The following CD109 variants were observed in gnomAD, a reference collection of about 807,000 sequenced individuals.
The protein encoded by CD109 is CD109 antigen.
Under a neutral mutation model 165.8 loss-of-function variants are expected in CD109, and 149 were observed. That is an observed-to-expected ratio of 0.90 (90% CI 0.79 to 1.03). The LOEUF is 1.03. Ranked by LOEUF, CD109 falls within the 50% of genes least tolerant of loss-of-function variation. The pLI is 0.00. For synonymous variants in CD109, 585 were observed against 592.1 expected (o/e 0.99, Z 0.18); for missense variants, 1,712 against 1,677.8 (o/e 1.02, Z -0.36).
In CD109 at chr6:73,781,286, G is replaced by A. The variant is rs1438078596; in HGVS notation, c.1930G>A (p.Ala644Thr). 6.2e-7 allele frequency: 1 copy of A among 1,613,374 alleles called. No homozygotes were observed. Among genetic ancestry groups the A allele is most frequent in the Admixed American group, 1.7e-5 (1 of 60,000 alleles). ...ATGTGGACTCTGGGTATTGACAGAT[G>A]CAAACCTCACGAAGGATTATATTGA... is the stretch of plus-strand genomic sequence containing the variant. ...QECGLWVLTD[A>T]NLTKDYIDGV... Residue 644 changes from alanine to threonine, a missense_variant, in exon 17 of 33, where the codon GCA becomes ACA. Ala to Thr is a moderately conservative substitution (Grantham distance 58, BLOSUM62 0). Coordinates refer to ENST00000287097, the MANE Select transcript of CD109 (RefSeq NM_133493.5).
intron 28 of CD109, among the ~76,000 whole-genome samples, chr6:73,811,766 A>G (rs567706524): frequency 8.5e-5 from 13 of 152,168 alleles, no homozygotes; most frequent in Admixed American, 2.0e-4. Context: ...TGATAACTTC[A>G]ATTCTGGAAA....
At chr6:73,706,877 A>G (rs536444841) in intron 2 of CD109, among the ~76,000 whole-genome samples, 1 of 152,356 alleles carries the variant, frequency 6.6e-6, no homozygotes, top group African/African-American at 2.4e-5. Flanking sequence ...GGCAGAAATG[A>G]TTTAGTATTA....
chr6:73,693,525 A>G (rs3915865), upstream of CD109, among the ~76,000 whole-genome samples: 9,725 of 152,208 alleles, frequency 0.064, 519 homozygotes, highest in Admixed American at 0.17. Flanking sequence ...AGCAAACCCA[A>G]TATCTTATTG....
rs1450087224 is a variant in CD109 at position 73,697,557 on chromosome 6, G to A, written c.232G>A (p.Gly78Arg). ...NLTVSVLEAE[G>R]VFEKGSFKTL... ...CACTGTCTCTGTCCTGGAAGCAGAAGGAGTCTTTGAAAAAGGTAAGATAAA... is the reference window on the plus strand; with the variant it reads ...CACTGTCTCTGTCCTGGAAGCAGAAAGAGTCTTTGAAAAAGGTAAGATAAA... Residue 78 changes from glycine to arginine, a missense_variant, in exon 2 of 33, where the codon GGA becomes AGA. Transcript: ENST00000287097. The A allele has an allele frequency of 1.9e-6, 3 of 1,613,300 alleles. No homozygotes were observed. The highest frequency in any genetic ancestry group is 2.5e-6 in the Non-Finnish European group (3 of 1,179,646).
chr6:73,789,529 C>T (rs1241533746), intron 22 of CD109, among the ~76,000 whole-genome samples: 1 of 151,888 alleles, frequency 6.6e-6, no homozygotes, highest in African/African-American at 2.4e-5. Context: ...ACTTGGCTCA[C>T]TGCAAGCTCT....
In CD109 at chr6:73,785,366, C is replaced by G; in HGVS notation, c.2226C>G (p.Leu742=). The change falls in exon 20 of 33, where the codon CTC becomes CTG. Residue 742 remains leucine, a splice_region_variant and synonymous_variant. Transcript: ENST00000287097. ...TGTACTCGTTGTGTTCTTTCCAGCT[C>G]CAAGCCTTCCAACCATTTTTCATTT... ...GLGLTTTPVE[L]QAFQPFFIFL... 1 of 1,573,484 alleles carries G rather than the reference C, an allele frequency of 6.4e-7. No homozygotes were observed. The highest frequency in any genetic ancestry group is 8.7e-7 in the Non-Finnish European group (1 of 1,146,882).
chr6:73,767,010 G>A lies in CD109; in HGVS notation c.1497G>A (p.Met499Ile). The A allele has an allele frequency of 6.2e-7, 1 of 1,610,014 alleles. No homozygotes were observed. The highest frequency in any genetic ancestry group is 8.5e-7 in the Non-Finnish European group (1 of 1,177,116). ...AACGATTGAAGGAGTTAAGCTATAT[G>A]GTAATCTCTTATAGAATCTAAATTT... ...GNKRLKELSY[M>I]VVSRGQLVAV... The change falls in exon 13 of 33, where the codon ATG (methionine) becomes ATA (isoleucine). Residue 499 changes from methionine (M) to isoleucine (I), a missense_variant and splice_region_variant. Met to Ile is a conservative substitution (Grantham distance 10). Transcript: ENST00000287097.
intron 15 of CD109, 63 bp downstream of exon 15, chr6:73,771,644 G>T (rs904072005): frequency 1.7e-6 from 2 of 1,181,266 alleles, no homozygotes; most frequent in Middle Eastern, 2.0e-4. Context: ...AAACTTTATT[G>T]TACTACTTTA....
At chr6:73,771,703 A>T in intron 15 of CD109, 122 bp downstream of exon 15, 1 of 583,626 alleles carries the variant, frequency 1.7e-6, no homozygotes, top group South Asian at 3.6e-5. Context: ...TAAGTCAATA[A>T]TTAGTAAAGC....
At chr6:73,745,992 AG>A (rs1487413309) in intron 5 of CD109, among the ~76,000 whole-genome samples, 2 of 152,374 alleles carry the variant, frequency 1.3e-5, no homozygotes, top group East Asian at 3.9e-4. Flanking sequence ...TGCCTTCCAA[AG>A]GGCTGGGATT....
chr6:73,752,630 T>C (rs1773237397), intron 5 of CD109, among the ~76,000 whole-genome samples: 1 of 152,320 alleles, frequency 6.6e-6, no homozygotes, highest in Non-Finnish European at 1.5e-5. Flanking sequence ...TTCTACTGGA[T>C]GTGCTTTGGA....
chr6:73,719,441 C>T (rs1771864922), intron 2 of CD109, among the ~76,000 whole-genome samples: 1 of 152,184 alleles, frequency 6.6e-6, no homozygotes, highest in South Asian at 2.1e-4. Flanking sequence ...ATTCCTTCTA[C>T]ATTTATTAGT....
chr6:73,710,225 A>C (rs1015000171), intron 2 of CD109, among the ~76,000 whole-genome samples: 1 of 152,222 alleles, frequency 6.6e-6, no homozygotes, highest in Non-Finnish European at 1.5e-5. Context: ...CCTTAAGCTG[A>C]TAAGCAACTT....
chr6:73,690,227 T>C, the CD109 span, among the ~76,000 whole-genome samples: 1 of 152,224 alleles, frequency 6.6e-6, no homozygotes, highest in African/African-American at 2.4e-5. Flanking sequence ...CATTTTTTTC[T>C]GGGGTTATAT....
At chr6:73,771,807 C>T (rs1185366397) in intron 15 of CD109, among the ~76,000 whole-genome samples, 3 of 152,128 alleles carry the variant, frequency 2.0e-5, no homozygotes, top group Non-Finnish European at 2.9e-5. Context: ...GAATTATCAC[C>T]TAAAGTTAGA....
At chr6:73,680,889 T>C in the CD109 span, among the ~76,000 whole-genome samples, 5 of 152,300 alleles carry the variant, frequency 3.3e-5, no homozygotes, top group African/African-American at 4.8e-5. Flanking sequence ...CCTTGAGGTG[T>C]TGTCTCCATT....
In CD109 at chr6:73,773,208, G is replaced by C. The variant is rs186425860; in HGVS notation, c.1827+1627G>C. ...ATGTGTGTTATATATATATTTACAA[G>C]TATATTTATATATACATATAATATA... On this transcript the variant is annotated intron_variant, in intron 15 of 32. Transcript: ENST00000287097. 2.4e-3 allele frequency among the ~76,000 whole-genome samples: 367 copies of C among 150,192 alleles called. 3 individuals are homozygous for C. Among genetic ancestry groups the C allele is most frequent in the African/African-American group, 8.7e-3 (360 of 41,174 alleles).
At chr6:73,710,637 A>G (rs1331591887) in intron 2 of CD109, among the ~76,000 whole-genome samples, 1 of 152,142 alleles carries the variant, frequency 6.6e-6, no homozygotes, top group Non-Finnish European at 1.5e-5. Flanking sequence ...AGTATCAGAT[A>G]TTAATACTGA....
Position 73,787,470 on chromosome 6 carries a change from G to T in CD109, c.2556+18G>T, listed in dbSNP as rs762412042. 5 of 1,557,312 alleles carry T rather than the reference G, an allele frequency of 3.2e-6. No homozygotes were observed. Among genetic ancestry groups the T allele is most frequent in the Non-Finnish European group, 4.4e-6 (5 of 1,137,100 alleles). On this transcript the variant is annotated intron_variant, in intron 21 of 32. Coordinates refer to ENST00000287097, the MANE Select transcript of CD109 (RefSeq NM_133493.5). ...TAGTAAAGGTAAATATTTGATGTCT[G>T]AAAGAAGTGAAATGGAAATACGTAA...
Sources: allele counts gnomAD v4.1 joint callset (sites outside exome capture counted in the v4.1 genomes callset), GRCh38; gene constraint gnomAD v4.1.1; transcripts MANE v1.5; gene names NCBI Gene and HGNC (gene_info 2026-07-23, HGNC 2026-07-21).